RPS6KC1: variants seen among roughly 807,000 people sequenced by gnomAD.
The protein encoded by RPS6KC1 is inactive ribosomal protein S6 kinase delta-1.
RPS6KC1 carries 54 observed loss-of-function variants against 103.8 expected under a neutral mutation model. The ratio of observed to expected loss-of-function variants is 0.52; its 90% confidence interval spans 0.42 to 0.65. The LOEUF is 0.65. Among genes scored for constraint, RPS6KC1 ranks in the 30% least tolerant of loss-of-function variants. The pLI is 0.00. For missense variants in RPS6KC1, 1,151 were observed against 1,253.8 expected (o/e 0.92, Z 1.24); for synonymous variants, 439 against 438.7 (o/e 1.00, Z -0.01).
the RPS6KC1 span, among the ~76,000 whole-genome samples, chr1:213,655,361 G>A: frequency 3.9e-5 from 6 of 152,134 alleles, no homozygotes. Flanking sequence ...ATTTCTATCT[G>A]TCCCTTAAAT....
chr1:213,650,263 T>A, the RPS6KC1 span, among the ~76,000 whole-genome samples: 1 of 152,222 alleles, frequency 6.6e-6, no homozygotes, highest in South Asian at 2.1e-4. Context: ...AATAGACTCA[T>A]ACACACTTAT....
chr1:213,769,015 C>T, the RPS6KC1 span, among the ~76,000 whole-genome samples: 14 of 152,284 alleles, frequency 9.2e-5, no homozygotes, highest in Admixed American at 4.6e-4. Context: ...ACAACAAAAG[C>T]GGCAGGGACC....
At chr1:213,569,188 C>T in the RPS6KC1 span, among the ~76,000 whole-genome samples, 1 of 152,146 alleles carries the variant, frequency 6.6e-6, no homozygotes, top group Non-Finnish European at 1.5e-5. Context: ...GGTCTTTGCT[C>T]CTTGCTGTTG....
the RPS6KC1 span, among the ~76,000 whole-genome samples, chr1:213,733,548 G>A: frequency 7.0e-6 from 1 of 142,180 alleles, no homozygotes; most frequent in East Asian, 2.0e-4. Flanking sequence ...TTTTTAGTTT[G>A]TTTTTTTTTT....
At chr1:213,678,893 G>T in the RPS6KC1 span, among the ~76,000 whole-genome samples, 1 of 152,186 alleles carries the variant, frequency 6.6e-6, no homozygotes, top group South Asian at 2.1e-4. Context: ...AGCCCATTTT[G>T]TCACCTGTAA....
the RPS6KC1 span, among the ~76,000 whole-genome samples, chr1:213,688,242 C>T: frequency 6.6e-6 from 1 of 152,168 alleles, no homozygotes; most frequent in Non-Finnish European, 1.5e-5. Context: ...CCTCCCACTT[C>T]CTTCTCCCCA....
chr1:213,153,333 GGGCAGA>G (rs1221210264), intron 6 of RPS6KC1, among the ~76,000 whole-genome samples: 1 of 151,306 alleles, frequency 6.6e-6, no homozygotes, highest in African/African-American at 2.4e-5. Context: ...GCAGGGGCAG[GGGCAGA>G]GGCAGAGGCA....
the RPS6KC1 span, among the ~76,000 whole-genome samples, chr1:213,706,554 T>C: frequency 1.3e-5 from 2 of 152,280 alleles, no homozygotes; most frequent in Non-Finnish European, 2.9e-5. Flanking sequence ...GATTTTTAAA[T>C]TATTATTATT....
chr1:213,293,664 G>A, the RPS6KC1 span, among the ~76,000 whole-genome samples: 1 of 152,120 alleles, frequency 6.6e-6, no homozygotes, highest in African/African-American at 2.4e-5. Flanking sequence ...AGAACGAGAT[G>A]CTGTCTTGAA....
At chr1:213,469,851 T>C in the RPS6KC1 span, among the ~76,000 whole-genome samples, 1 of 152,142 alleles carries the variant, frequency 6.6e-6, no homozygotes, top group African/African-American at 2.4e-5. Context: ...ACCCCATCTC[T>C]ACGAAAAAGC....
the RPS6KC1 span, among the ~76,000 whole-genome samples, chr1:213,342,181 C>T: frequency 1.0e-3 from 157 of 152,230 alleles, no homozygotes; most frequent in Middle Eastern, 0.014. Context: ...ACCTACCAGA[C>T]GAATGGTGCC....
chr1:213,282,271 C>T, the RPS6KC1 span, among the ~76,000 whole-genome samples: 3 of 152,208 alleles, frequency 2.0e-5, no homozygotes, highest in South Asian at 2.1e-4. Flanking sequence ...AGGGTGACTG[C>T]GGACTATAGC....
chr1:213,090,708 A>G (rs2080884680), intron 3 of RPS6KC1, among the ~76,000 whole-genome samples: 1 of 152,196 alleles, frequency 6.6e-6, no homozygotes, highest in African/African-American at 2.4e-5. Flanking sequence ...ATTCTTCTTT[A>G]TATTCTTAAA....
Position 213,232,260 on chromosome 1 carries a change from G to A in RPS6KC1, c.1225+5G>A. The A allele has an allele frequency of 1.2e-6, 2 of 1,613,866 alleles. No homozygotes were observed. Among genetic ancestry groups the A allele is most frequent in the Non-Finnish European group, 1.7e-6 (2 of 1,179,806 alleles). ...TTGTGCTGCAGCATGCGGAAGGTTGGTTTGTAGTTTGGATTGTTTATGCAG... is the reference window on the plus strand; with the variant it reads ...TTGTGCTGCAGCATGCGGAAGGTTGATTTGTAGTTTGGATTGTTTATGCAG... On this transcript the variant is annotated splice_donor_5th_base_variant and intron_variant, in intron 10 of 14. Coordinates refer to ENST00000366960, the MANE Select transcript of RPS6KC1 (RefSeq NM_012424.6).
the RPS6KC1 span, among the ~76,000 whole-genome samples, chr1:213,438,237 T>C: frequency 1.3e-5 from 2 of 152,210 alleles, no homozygotes; most frequent in Non-Finnish European, 1.5e-5. Flanking sequence ...CAATGTCTGA[T>C]ACCTCAAATA....
chr1:213,732,626 G>A, the RPS6KC1 span, among the ~76,000 whole-genome samples: 5 of 152,010 alleles, frequency 3.3e-5, no homozygotes, highest in East Asian at 1.9e-4. Context: ...TCTTCCATCC[G>A]GATCCCTATG....
At chr1:213,711,929 T>C in the RPS6KC1 span, among the ~76,000 whole-genome samples, 1 of 152,156 alleles carries the variant, frequency 6.6e-6, no homozygotes, top group Non-Finnish European at 1.5e-5. Context: ...GCCAGAGCTG[T>C]CCTGTATGAG....
At chr1:213,508,535 T>A in the RPS6KC1 span, among the ~76,000 whole-genome samples, 1 of 152,150 alleles carries the variant, frequency 6.6e-6, no homozygotes, top group African/African-American at 2.4e-5. Flanking sequence ...GGGGTTTGTG[T>A]GTGTGTGTGT....
intron 7 of RPS6KC1, among the ~76,000 whole-genome samples, chr1:213,175,191 T>C (rs1248289926): frequency 6.6e-6 from 1 of 152,158 alleles, no homozygotes; most frequent in Non-Finnish European, 1.5e-5. Flanking sequence ...TCATTTCTGC[T>C]CTCCCTCACA....
Sources: allele counts gnomAD v4.1 joint callset (sites outside exome capture counted in the v4.1 genomes callset), GRCh38; gene constraint gnomAD v4.1.1; transcripts MANE v1.5; gene names NCBI Gene and HGNC (gene_info 2026-07-23, HGNC 2026-07-21).